Variants in FAM120B observed in about 807,000 individuals in gnomAD.
FAM120B encodes the protein family with sequence similarity 120 member B.
Under a neutral mutation model 96.3 loss-of-function variants are expected in FAM120B, and 83 were observed. The ratio of observed to expected loss-of-function variants is 0.86; its 90% CI spans 0.72 to 1.03. The LOEUF (loss-of-function observed/expected upper bound fraction) is 1.03. Ranked by LOEUF, FAM120B falls within the 50% of genes least tolerant of loss-of-function variation. The pLI, the probability that FAM120B is intolerant of heterozygous loss-of-function variation, is 0.00. For missense variants in FAM120B, 1,027 were observed against 1,121.2 expected (o/e 0.92, Z 1.20); for synonymous variants, 407 against 402.7 (o/e 1.01, Z -0.13).
chr6:170,368,493 C>T lies in FAM120B; in HGVS notation c.2283+10175C>T, dbSNP rs903208816. On this transcript the variant is annotated intron_variant, in intron 6 of 10. Coordinates refer to ENST00000476287, the MANE Select transcript of FAM120B (RefSeq NM_032448.3). ...TAATGAGATCAAGCCGTTAAGATGGCGCTTTACCGATTAAATCCCTAAGAC... is the reference window on the plus strand; with the variant it reads ...TAATGAGATCAAGCCGTTAAGATGGTGCTTTACCGATTAAATCCCTAAGAC... 9.2e-5 allele frequency among the ~76,000 whole-genome samples: 14 copies of T among 152,238 alleles called. No individual in the cohort carries two copies. In the South Asian group the frequency reaches 1.5e-3, roughly 16 times the overall value.
In FAM120B at chr6:170,363,194, A is replaced by C. The variant is rs1188985617; in HGVS notation, c.2283+4876A>C. On this transcript the variant is annotated intron_variant, in intron 6 of 10. Transcript: ENST00000476287. This position sits in a 1 kb window ranked among gnomAD's most constrained non-coding sequence, Gnocchi z 4.5. ...GGAATTCTGGCTCCGTCTCTTACAC[A>C]CTGAGAACTCCATGAGCTGGTACCT... 2.0e-5 allele frequency among the ~76,000 whole-genome samples: 3 copies of C among 152,060 alleles called. No homozygotes were observed. Among genetic ancestry groups the C allele is most frequent in the Non-Finnish European group, 4.4e-5 (3 of 68,002 alleles).
chr6:170,308,531 A>G (rs941405931), intron 1 of FAM120B, among the ~76,000 whole-genome samples: 2 of 152,176 alleles, frequency 1.3e-5, no homozygotes, highest in African/African-American at 4.8e-5. Context: ...GAATCTGGAT[A>G]CCATTTATGG....
At chr6:170,330,579 A>G (rs760905580) in intron 4 of FAM120B, 29 bp downstream of exon 4, 2 of 1,504,028 alleles carry the variant, frequency 1.3e-6, no homozygotes, top group South Asian at 2.3e-5. Context: ...TAAATGAACC[A>G]CAGATCTTTC....
At chr6:170,298,945 G>A (rs1004573076) in intron 1 of FAM120B, among the ~76,000 whole-genome samples, 2 of 152,208 alleles carry the variant, frequency 1.3e-5, no homozygotes, top group African/African-American at 4.8e-5. Flanking sequence ...CATGCAGGAA[G>A]TAGAAGGCCA....
intron 9 of FAM120B, among the ~76,000 whole-genome samples, chr6:170,397,630 C>T (rs745509118): frequency 6.6e-6 from 1 of 152,174 alleles, no homozygotes; most frequent in African/African-American, 2.4e-5. Flanking sequence ...TGATGGCACA[C>T]AGCTTGGTCT....
chr6:170,390,397 T>C (rs950447411), intron 7 of FAM120B, among the ~76,000 whole-genome samples: 3 of 152,194 alleles, frequency 2.0e-5, no homozygotes, highest in African/African-American at 7.2e-5. Context: ...GTGTAGCCTG[T>C]AAGTCATTCC....
intron 9 of FAM120B, among the ~76,000 whole-genome samples, chr6:170,401,099 G>C (rs923385512): frequency 1.3e-5 from 2 of 152,200 alleles, no homozygotes; most frequent in Non-Finnish European, 2.9e-5. Context: ...ACTTTCCATA[G>C]GCGGAATTGT....
chr6:170,346,516 T>C (rs1583238098), intron 4 of FAM120B, among the ~76,000 whole-genome samples: 1 of 152,234 alleles, frequency 6.6e-6, no homozygotes, highest in East Asian at 1.9e-4. Context: ...AGTAAACTTA[T>C]TCTGTGAAGG....
intron 6 of FAM120B, among the ~76,000 whole-genome samples, chr6:170,378,164 TCAGAGATCA>T (rs1161967455): frequency 6.6e-6 from 1 of 152,234 alleles, no homozygotes; most frequent in South Asian, 2.1e-4. Flanking sequence ...CAGACTTCCA[TCAGAGATCA>T]CAGCCCAGGT....
intron 6 of FAM120B, among the ~76,000 whole-genome samples, chr6:170,358,798 A>G (rs1031473914): frequency 6.6e-6 from 1 of 152,126 alleles, no homozygotes; most frequent in East Asian, 1.9e-4. Flanking sequence ...CGCAGCCTCT[A>G]TTGTTTGTAT....
chr6:170,396,638 ACG>A (rs1778180136), intron 9 of FAM120B, among the ~76,000 whole-genome samples: 2 of 152,146 alleles, frequency 1.3e-5, no homozygotes, highest in Non-Finnish European at 2.9e-5. Flanking sequence ...CCCACTGAAC[ACG>A]TGCAGTCCAT....
At position 170,317,718 on chromosome 6, in the gene FAM120B, A is replaced by G. The variant is rs1784988647; in HGVS notation, c.328A>G (p.Arg110Gly). 1.2e-6 allele frequency: 2 copies of G among 1,614,118 alleles called. No individual in the cohort carries two copies. Among genetic ancestry groups the G allele is most frequent in the South Asian group, 2.2e-5 (2 of 91,094 alleles). Residue 110 changes from arginine to glycine, a missense_variant, in exon 2 of 11, where the codon AGG becomes GGG. Around this residue, in one of 3 missense-constraint regions of FAM120B, gnomAD observed 880 missense variants for 980.9 expected, o/e 0.90. Transcript: ENST00000476287. ...GGTGAAACGAAGGCTCAAGAACAAC[A>G]GGGAGATATCCAGGATTTTTCATTA... ...EWVKRRLKNNREISRIFHYIK... is the reference protein window; with the variant it reads ...EWVKRRLKNNGEISRIFHYIK...
At position 170,348,186 on chromosome 6, in the gene FAM120B, C is replaced by T. The variant is rs1245269079; in HGVS notation, c.2053C>T (p.Gln685Ter). ...TPSLKILWLN[Q>*]EPEIQVRRLD... ...TAGTTTGAAAATATTATGGCTGAAC[C>T]AAGAGCCAGAAATACAGGTTCGGCG... The change falls in exon 5 of 11, where the codon CAA becomes TAA. Residue 685 changes from glutamine (Q) to a stop codon, truncating the protein, a stop_gained. Coordinates refer to ENST00000476287, the MANE Select transcript of FAM120B (RefSeq NM_032448.3). LOFTEE classifies it high-confidence loss of function. 1 of 1,613,912 alleles carries T rather than the reference C, an allele frequency of 6.2e-7. No individual in the cohort carries two copies. Among genetic ancestry groups the T allele is most frequent in the Admixed American group, 1.7e-5 (1 of 59,996 alleles).
chr6:170,399,322 G>C (rs1051573781), intron 9 of FAM120B, among the ~76,000 whole-genome samples: 27 of 148,456 alleles, frequency 1.8e-4, no homozygotes, highest in Non-Finnish European at 3.0e-4. Flanking sequence ...TCTTAGGAGT[G>C]AGTGAGAAAG....
At chr6:170,313,235 T>G (rs1198238659) in intron 1 of FAM120B, among the ~76,000 whole-genome samples, 1 of 152,180 alleles carries the variant, frequency 6.6e-6, no homozygotes, top group Non-Finnish European at 1.5e-5. Context: ...AATATTAATC[T>G]CTTGGGATTT....
At chr6:170,400,592 C>G (rs984508521) in intron 9 of FAM120B, among the ~76,000 whole-genome samples, 33 of 152,150 alleles carry the variant, frequency 2.2e-4, no homozygotes, top group Admixed American at 1.8e-3. Flanking sequence ...GTGGCCTGAC[C>G]GGCTGCAGGG....
chr6:170,348,396 C>T (rs771312748), intron 5 of FAM120B, 73 bp downstream of exon 5: 49 of 1,374,602 alleles, frequency 3.6e-5, no homozygotes, highest in Non-Finnish European at 3.8e-5. Flanking sequence ...TGGGATATTG[C>T]CATGGCTGGT....
intron 2 of FAM120B, 113 bp downstream of exon 2, chr6:170,319,237 A>G (rs1176900481): frequency 1.9e-6 from 2 of 1,030,084 alleles, no homozygotes; most frequent in South Asian, 1.7e-5. Flanking sequence ...GATGCACAAC[A>G]GGAGTCTCTA....
At chr6:170,316,058 C>CAAA (rs35344814) in intron 1 of FAM120B, among the ~76,000 whole-genome samples, 1,289 of 90,992 alleles carry the variant, frequency 0.014, 56 homozygotes, top group Admixed American at 0.04. Context: ...GACCCGGTCT[C>CAAA]AAAAAAAAAA....
Sources: gnomAD v4.1 joint callset for allele counts (sites outside exome capture counted in the v4.1 genomes callset) on GRCh38, gnomAD v4.1.1 for gene constraint, gnomAD v4.1.1 regional missense constraint, Gnocchi (gnomAD v3.1) non-coding constraint, MANE v1.5 for transcripts, NCBI Gene and HGNC (gene_info 2026-07-23, HGNC 2026-07-21) for gene names.